NCALD: variants seen among roughly 807,000 people sequenced by gnomAD.
NCALD encodes the protein neurocalcin-delta.
In NCALD, 10 loss-of-function variants were observed where a neutral mutation model predicts 18.6. The ratio of observed to expected loss-of-function variants is 0.54; its 90% CI spans 0.33 to 0.91. The LOEUF (loss-of-function observed/expected upper bound fraction) is 0.91, where lower values mean the gene tolerates loss of function less well. NCALD is among the 40% of genes least tolerant of loss of function. The pLI is 0.03. For missense variants in NCALD, 184 were observed against 247.6 expected (o/e 0.74, Z 1.72); for synonymous variants, 88 against 87.4 (o/e 1.01, Z -0.04).
chr8:101,782,562 C>T lies in NCALD; in HGVS notation c.-20+8300G>A, dbSNP rs563295551. Reference sequence around the variant, plus strand: ...GGATAAATCCTAGATCCTCCATGGACCCACCATATAGATTATATATTTTTT... The same window carrying T: ...GGATAAATCCTAGATCCTCCATGGATCCACCATATAGATTATATATTTTTT... On this transcript the variant is annotated intron_variant, in intron 1 of 3. Transcript: ENST00000220931. Among the ~76,000 whole-genome samples the T allele has an allele frequency of 5.3e-5, 8 of 152,258 alleles. No individual in the cohort carries two copies. The South Asian group carries it at 1.2e-3, about 24-fold the overall frequency.
intron 1 of NCALD, among the ~76,000 whole-genome samples, chr8:101,731,928 G>A (rs1365623373): frequency 6.6e-6 from 1 of 152,198 alleles, no homozygotes; most frequent in East Asian, 1.9e-4. Flanking sequence ...AGAAACTGTG[G>A]GAGTGTCTGA....
At chr8:101,821,907 ATGT>A (rs1813737681) in intron 4 of NCALD, among the ~76,000 whole-genome samples, 1 of 142,176 alleles carries the variant, frequency 7.0e-6, no homozygotes, top group Non-Finnish European at 1.5e-5. Flanking sequence ...AAAAAAAAAA[ATGT>A]AATTTTTTTC....
chr8:102,019,303 C>A (rs1168373638), intron 2 of NCALD, among the ~76,000 whole-genome samples: 1 of 152,094 alleles, frequency 6.6e-6, no homozygotes, highest in Non-Finnish European at 1.5e-5. Flanking sequence ...TTAGAACCCT[C>A]ATACACTCCT....
At chr8:101,851,387 A>G (rs1815084724) in intron 4 of NCALD, among the ~76,000 whole-genome samples, 1 of 152,164 alleles carries the variant, frequency 6.6e-6, no homozygotes, top group South Asian at 2.1e-4. Flanking sequence ...CTAAAAAAAA[A>G]AATACAAATA....
intron 1 of NCALD, among the ~76,000 whole-genome samples, chr8:102,025,623 T>G (rs984299680): frequency 3.3e-5 from 5 of 152,318 alleles, no homozygotes; most frequent in Non-Finnish European, 5.9e-5. Flanking sequence ...CTGAACAGAA[T>G]TAAATTGGAG....
At chr8:102,059,028 C>T (rs955665595) in intron 1 of NCALD, among the ~76,000 whole-genome samples, 4 of 152,204 alleles carry the variant, frequency 2.6e-5, no homozygotes, top group Admixed American at 6.5e-5. Context: ...ATGCACTCTG[C>T]CAACATCTTG....
chr8:101,891,857 G>A (rs1394173218), intron 3 of NCALD, among the ~76,000 whole-genome samples: 1 of 152,194 alleles, frequency 6.6e-6, no homozygotes, highest in African/African-American at 2.4e-5. Flanking sequence ...GGCTCGGAGG[G>A]TCCTACGCCC....
intron 1 of NCALD, among the ~76,000 whole-genome samples, chr8:102,121,123 C>T (rs1825932587): frequency 6.6e-6 from 1 of 152,198 alleles, no homozygotes; most frequent in Non-Finnish European, 1.5e-5. Context: ...GTCTCAGCTT[C>T]ATTGCAACAG....
intron 2 of NCALD, among the ~76,000 whole-genome samples, chr8:101,920,057 G>C (rs555443976): frequency 1.3e-5 from 2 of 152,138 alleles, no homozygotes; most frequent in African/African-American, 4.8e-5. Flanking sequence ...AGGAATTCAA[G>C]ACCAGCCTGA....
At chr8:101,825,766 T>C (rs1224605138) in intron 4 of NCALD, among the ~76,000 whole-genome samples, 3 of 140,200 alleles carry the variant, frequency 2.1e-5, no homozygotes, top group African/African-American at 3.0e-5. Flanking sequence ...TTAAACATTT[T>C]AGGCTTTGCA....
At chr8:102,051,220 C>T (rs1350163186) in intron 1 of NCALD, among the ~76,000 whole-genome samples, 2 of 152,056 alleles carry the variant, frequency 1.3e-5, no homozygotes, top group Admixed American at 1.3e-4. Flanking sequence ...AGGTTTGGAT[C>T]CTGGCTCCAC....
intron 2 of NCALD, among the ~76,000 whole-genome samples, chr8:101,704,544 G>A (rs1815417854): frequency 6.6e-6 from 1 of 152,184 alleles, no homozygotes; most frequent in African/African-American, 2.4e-5. Flanking sequence ...GATCACAAAT[G>A]CGAGATGAGT....
intron 2 of NCALD, among the ~76,000 whole-genome samples, chr8:101,984,472 A>G (rs796255608): frequency 1.3e-5 from 2 of 152,194 alleles, no homozygotes; most frequent in African/African-American, 4.8e-5. Context: ...TAAATGTTGA[A>G]GCTCTGAAGC....
At chr8:101,915,407 G>A (rs1237180542) in intron 3 of NCALD, 2 of 152,134 alleles carry the variant, frequency 1.3e-5, no homozygotes, top group Non-Finnish European at 2.9e-5. Context: ...CTGTTAATTG[G>A]TGCTTAATGC....
intron 4 of NCALD, among the ~76,000 whole-genome samples, chr8:101,839,603 AACAT>A (rs1394330288): frequency 6.6e-6 from 1 of 152,182 alleles, no homozygotes; most frequent in Non-Finnish European, 1.5e-5. Context: ...TTTCCCTGCA[AACAT>A]ACATTCATTC....
rs897143936 is a variant in NCALD at position 101,704,783 on chromosome 8, G to A, written c.379-11887C>T. 7.2e-5 allele frequency among the ~76,000 whole-genome samples: 11 copies of A among 151,810 alleles called. 1 individual carries two copies. Among genetic ancestry groups the A allele is most frequent in the African/African-American group, 2.4e-4 (10 of 41,288 alleles). ...ACATAAACAAAAATTAGCCGGGCAT[G>A]GTATCGGGCACCTGTAATCCCAGCT... On this transcript the variant is annotated intron_variant, in intron 2 of 3. Transcript: ENST00000220931.
chr8:101,982,616 G>A (rs1473670391), intron 2 of NCALD, among the ~76,000 whole-genome samples: 1 of 152,084 alleles, frequency 6.6e-6, no homozygotes. Flanking sequence ...CGAGGCTGGT[G>A]GATCAGGAGG....
Position 102,050,650 on chromosome 8 carries a change from T to A in NCALD, c.-209-30361A>T, listed in dbSNP as rs1158939603. Among the ~76,000 whole-genome samples the A allele has an allele frequency of 3.4e-5, 5 of 148,010 alleles. No individual in the cohort carries two copies. The South Asian group carries it at 8.3e-4, about 25-fold the overall frequency. On this transcript the variant is annotated intron_variant, in intron 1 of 6. Transcript: ENST00000311028. The stretch of plus-strand genomic sequence containing the variant: ...TAGTATATACTTTATATAGCATACA[T>A]TATATGTTTGTATATATAGTATATT...
At chr8:101,735,531 G>A (rs1817038695) in intron 1 of NCALD, among the ~76,000 whole-genome samples, 1 of 152,030 alleles carries the variant, frequency 6.6e-6, no homozygotes, top group African/African-American at 2.4e-5. Context: ...TAAAAATGCA[G>A]GATATCCAGT....
Sources: allele counts gnomAD v4.1 joint callset (sites outside exome capture counted in the v4.1 genomes callset), GRCh38; gene constraint gnomAD v4.1.1; transcripts MANE v1.5; gene names NCBI Gene and HGNC (gene_info 2026-07-23, HGNC 2026-07-21).